Variants in ZEB1 observed in about 807,000 individuals in gnomAD.
The protein encoded by ZEB1 is zinc finger E-box binding homeobox 1.
In ZEB1, 21 loss-of-function variants were observed where a neutral mutation model predicts 84.9. The observed-to-expected ratio is 0.25, with a 90% CI of 0.18 to 0.36. ZEB1 has a LOEUF of 0.36. Ranked by LOEUF, ZEB1 falls within the 10% of genes least tolerant of loss-of-function variation. ZEB1 has a pLI of 1.00. For missense variants in ZEB1, 1,104 were observed against 1,330.2 expected (o/e 0.83, Z 2.65); for synonymous variants, 420 against 471.1 (o/e 0.89, Z 1.41).
chr10:31,421,012 A>G (rs2056075029), intron 1 of ZEB1, among the ~76,000 whole-genome samples: 1 of 152,178 alleles, frequency 6.6e-6, no homozygotes, highest in Non-Finnish European at 1.5e-5. Context: ...AGCTAAGAGC[A>G]GGCACTTTTT....
intron 1 of ZEB1, among the ~76,000 whole-genome samples, chr10:31,327,099 CTTTTTTTTTT>C (rs71527629): frequency 5.9e-5 from 5 of 84,962 alleles, no homozygotes; most frequent in Non-Finnish European, 1.1e-4. Context: ...CTTTTCTTTT[CTTTTTTTTTT>C]TTTTTTTTTT....
chr10:31,350,280 A>G (rs1260183534), intron 1 of ZEB1, among the ~76,000 whole-genome samples: 1 of 152,170 alleles, frequency 6.6e-6, no homozygotes, highest in Non-Finnish European at 1.5e-5. Context: ...TTATTTTATG[A>G]TGAGAAAGGT....
intron 1 of ZEB1, among the ~76,000 whole-genome samples, chr10:31,340,098 T>C (rs1554811592): frequency 6.6e-6 from 1 of 152,172 alleles, no homozygotes; most frequent in Non-Finnish European, 1.5e-5. Flanking sequence ...TGCAAAATTG[T>C]TATGTTACTC....
At chr10:31,450,812 G>A (rs1435320009) in intron 1 of ZEB1, among the ~76,000 whole-genome samples, 3 of 151,714 alleles carry the variant, frequency 2.0e-5, no homozygotes, top group African/African-American at 7.3e-5. Context: ...AGTAATGTTT[G>A]CTTCATTCTT....
intron 1 of ZEB1, among the ~76,000 whole-genome samples, chr10:31,444,474 A>G (rs1591339822): frequency 6.6e-6 from 1 of 152,034 alleles, no homozygotes; most frequent in Admixed American, 6.6e-5. Context: ...TGTTTTAGAC[A>G]TGAAGTCCTT....
chr10:31,502,276 TTTC>T, intron 3 of ZEB1, 69 bp from the exon 4 acceptor site: 1 of 1,432,766 alleles, frequency 7.0e-7, no homozygotes, highest in Non-Finnish European at 9.7e-7. Flanking sequence ...AGATAAATAA[TTTC>T]TTATTTAGAA....
chr10:31,429,659 A>G (rs1399685373), intron 1 of ZEB1, among the ~76,000 whole-genome samples: 1 of 145,006 alleles, frequency 6.9e-6, no homozygotes, highest in East Asian at 2.0e-4. Flanking sequence ...ACAAACCTGC[A>G]CTTGTACCCC....
At chr10:31,442,336 C>T (rs538309864) in intron 1 of ZEB1, among the ~76,000 whole-genome samples, 10 of 152,070 alleles carry the variant, frequency 6.6e-5, no homozygotes, top group Admixed American at 1.3e-4. Context: ...TACGTTCTCA[C>T]TCTTAGGTGG....
chr10:31,512,797 G>A (rs1229678940), intron 5 of ZEB1, among the ~76,000 whole-genome samples: 1 of 152,136 alleles, frequency 6.6e-6, no homozygotes, highest in Admixed American at 6.6e-5. Flanking sequence ...TCACAGAGAA[G>A]GGAGACTTCT....
rs2061751814 is a variant in ZEB1, at chr10:31,461,058, T to A, written c.80T>A (p.Val27Glu). ...ACAGTTACAAATTATAATACTGTGG[T>A]AGAAACAAATTCAGATTCAGATGAT... The part of the protein sequence containing the change: ...RNNVTNYNTV[V>E]ETNSDSDDED... Residue 27 changes from valine to glutamate, a missense_variant, in exon 2 of 9, where the codon GTA (valine) becomes GAA (glutamate). Physicochemically the swap from Val to Glu is moderately radical, Grantham distance 121. Coordinates refer to ENST00000424869, the MANE Select transcript of ZEB1 (RefSeq NM_001174096.2). The A allele has an allele frequency of 2.5e-6, 4 of 1,612,966 alleles. No homozygotes were observed. Among genetic ancestry groups the A allele is most frequent in the Non-Finnish European group, 3.4e-6 (4 of 1,179,240 alleles).
chr10:31,361,659 C>T (rs1270071789), intron 1 of ZEB1, among the ~76,000 whole-genome samples: 1 of 150,926 alleles, frequency 6.6e-6, no homozygotes, highest in Non-Finnish European at 1.5e-5. Context: ...GGCAGAGGTG[C>T]TCCTCACTTT....
chr10:31,477,618 G>A (rs915594451), intron 2 of ZEB1, among the ~76,000 whole-genome samples: 48 of 151,898 alleles, frequency 3.2e-4, no homozygotes, highest in African/African-American at 1.1e-3. Context: ...ATACTACAAG[G>A]CTGAACAGCA....
chr10:31,445,963 A>G (rs1394033665), intron 1 of ZEB1, among the ~76,000 whole-genome samples: 6 of 128,178 alleles, frequency 4.7e-5, no homozygotes, highest in Admixed American at 8.2e-5. Flanking sequence ...CTCTTTTTCT[A>G]TTGATTGGAA....
At position 31,505,041 on chromosome 10, in the gene ZEB1, G is replaced by A. The variant is rs116872392; in HGVS notation, c.484+2532G>A. Among the ~76,000 whole-genome samples, 319 of 152,112 alleles carry A rather than the reference G, an allele frequency of 2.1e-3. 2 individuals carry two copies. The highest frequency in any genetic ancestry group is 3.0e-3 in the Non-Finnish European group (206 of 67,894). On this transcript the variant is annotated intron_variant, in intron 4 of 8. Coordinates refer to ENST00000424869, the MANE Select transcript of ZEB1 (RefSeq NM_001174096.2). ...TTCTGATTACACTTCTTAGAGGGAC[G>A]TCTGTCAGCTTGTTCCATGCAGTAT...
At position 31,414,605 on chromosome 10, in the gene ZEB1, A is replaced by G. The variant is rs139086491; in HGVS notation, c.59-46432A>G. On this transcript the variant is annotated intron_variant, in intron 1 of 8. Coordinates refer to ENST00000424869, the MANE Select transcript of ZEB1 (RefSeq NM_001174096.2). Reference sequence around the variant, plus strand: ...ACTTCTCAACTAAGGCACAATCTCTAATTCTGTATCTGCATTGATGACTCA... The same window carrying G: ...ACTTCTCAACTAAGGCACAATCTCTGATTCTGTATCTGCATTGATGACTCA... Among the ~76,000 whole-genome samples, 1,024 of 152,282 alleles carry G rather than the reference A, an allele frequency of 6.7e-3. 12 individuals carry two copies. Among genetic ancestry groups the G allele is most frequent in the African/African-American group, 0.022 (934 of 41,556 alleles).
intron 1 of ZEB1, among the ~76,000 whole-genome samples, chr10:31,338,701 G>A (rs781676574): frequency 1.3e-5 from 2 of 152,072 alleles, no homozygotes; most frequent in African/African-American, 4.8e-5. Flanking sequence ...TGAATTTTGT[G>A]TCCGTACGTT....
intron 4 of ZEB1, among the ~76,000 whole-genome samples, chr10:31,503,915 G>A (rs968941357): frequency 1.6e-4 from 25 of 151,716 alleles, no homozygotes; most frequent in Middle Eastern, 3.4e-3. Flanking sequence ...AGGATTATTT[G>A]GGTTTTTTAA....
At chr10:31,482,855 G>T (rs1371661390) in intron 2 of ZEB1, among the ~76,000 whole-genome samples, 2 of 151,950 alleles carry the variant, frequency 1.3e-5, no homozygotes, top group Non-Finnish European at 1.5e-5. Context: ...GTGCATAGTA[G>T]GTCAGAGGAT....
intron 1 of ZEB1, among the ~76,000 whole-genome samples, chr10:31,373,988 G>A (rs1359503130): frequency 6.6e-6 from 1 of 151,646 alleles, no homozygotes; most frequent in Non-Finnish European, 1.5e-5. Flanking sequence ...TCAGATCCAT[G>A]ATTAGTCATG....
Sources: allele counts gnomAD v4.1 joint callset (sites outside exome capture counted in the v4.1 genomes callset), GRCh38; gene constraint gnomAD v4.1.1; transcripts MANE v1.5; gene names NCBI Gene and HGNC (gene_info 2026-07-23, HGNC 2026-07-21).